Variants in HINFP observed in about 807,000 individuals in gnomAD.
The protein encoded by HINFP is histone H4 transcription factor.
A neutral mutation model predicts 50.1 loss-of-function variants in HINFP; 20 were observed. That is an observed-to-expected ratio of 0.40 (90% CI 0.28 to 0.58). The LOEUF (loss-of-function observed/expected upper bound fraction) is 0.58, where lower values mean the gene tolerates loss of function less well. Among genes scored for constraint, HINFP ranks in the 20% least tolerant of loss-of-function variants. The pLI, the probability that HINFP is intolerant of heterozygous loss-of-function variation, is 0.45. For synonymous variants in HINFP, 247 were observed against 243.7 expected (o/e 1.01, Z -0.13); for missense variants, 505 against 664.1 (o/e 0.76, Z 2.63).
At chr11:119,122,951 C>T (rs1947156571) in intron 1 of HINFP, among the ~76,000 whole-genome samples, 1 of 151,902 alleles carries the variant, frequency 6.6e-6, no homozygotes, top group Non-Finnish European at 1.5e-5. Context: ...GGCAAGACCT[C>T]GTCTCTACTA....
At chr11:119,126,354 C>CAAAAAAAA (rs55703263) in intron 1 of HINFP, 4 of 62,708 alleles carry the variant, frequency 6.4e-5, no homozygotes, top group East Asian at 4.2e-4. Flanking sequence ...AACTCAATCT[C>CAAAAAAAA]AAAAAAAAAA....
At chr11:119,132,361 G>A in intron 5 of HINFP, 135 bp from the exon 6 acceptor site, 2 of 773,434 alleles carry the variant, frequency 2.6e-6, no homozygotes, top group Non-Finnish European at 4.2e-6. Context: ...CCATGATACT[G>A]TGTCCATTCA....
intron 2 of HINFP, among the ~76,000 whole-genome samples, chr11:119,129,634 T>C (rs912911311): frequency 2.6e-5 from 4 of 151,822 alleles, no homozygotes; most frequent in African/African-American, 9.7e-5. Flanking sequence ...CTAATTTTTT[T>C]TTGTATTTTT....
chr11:119,133,281 T>TGCC, intron 9 of HINFP, 62 bp downstream of exon 9: 1 of 1,596,948 alleles, frequency 6.3e-7, no homozygotes. Context: ...TTCAACCAGT[T>TGCC]TTAAAAACCT....
intron 2 of HINFP, among the ~76,000 whole-genome samples, chr11:119,129,458 C>A (rs1242387963): frequency 6.7e-6 from 1 of 148,804 alleles, no homozygotes; most frequent in African/African-American, 2.5e-5. Context: ...AAGCATAAGC[C>A]ACTGCATCTG....
chr11:119,133,434 C>G, intron 9 of HINFP: 1 of 514,948 alleles, frequency 1.9e-6, no homozygotes, highest in South Asian at 2.0e-5. Flanking sequence ...CAAAAAGTAG[C>G]TGAGCATGGT....
intron 2 of HINFP, chr11:119,127,387 G>T: frequency 3.6e-6 from 1 of 278,730 alleles, no homozygotes; most frequent in Non-Finnish European, 6.6e-6. Context: ...CTCTCTGCCT[G>T]TGTTTACATA....
At position 119,132,583 on chromosome 11, in the gene HINFP, C is replaced by G. The variant is rs1947826715; in HGVS notation, c.754+10C>G. On this transcript the variant is annotated intron_variant, in intron 6 of 9. Transcript: ENST00000350777. Reference sequence around the variant, plus strand: ...CACATGCGCAACCATGGTGAGTGGCCTGCGGCCCACAGCCTCCCTCCTGCC... The same window carrying G: ...CACATGCGCAACCATGGTGAGTGGCGTGCGGCCCACAGCCTCCCTCCTGCC... The G allele has an allele frequency of 1.2e-6, 2 of 1,614,096 alleles. No homozygotes were observed. The highest frequency in any genetic ancestry group is 1.7e-6 in the Non-Finnish European group (2 of 1,180,008).
intron 1 of HINFP, chr11:119,124,029 AG>A (rs1947247917): frequency 1.3e-5 from 2 of 152,104 alleles, no homozygotes. Flanking sequence ...CATGTTGCCC[AG>A]GCTGGTCACA....
At chr11:119,133,054 G>T (rs779096060) in intron 8 of HINFP, 41 bp from the exon 9 acceptor site, 24 of 1,614,038 alleles carry the variant, frequency 1.5e-5, no homozygotes, top group Non-Finnish European at 2.0e-5. Context: ...GGGACCCTGG[G>T]GTGAAGAGCT....
At chr11:119,125,507 A>AAAAAC (rs912666396) in intron 1 of HINFP, 2 of 152,138 alleles carry the variant, frequency 1.3e-5, no homozygotes, top group African/African-American at 2.4e-5. Context: ...CTGTCACTAC[A>AAAAAC]AAAACAAAAC....
intron 5 of HINFP, 147 bp downstream of exon 5, chr11:119,132,129 G>C: frequency 3.7e-6 from 3 of 813,822 alleles, no homozygotes; most frequent in Non-Finnish European, 5.9e-6. Flanking sequence ...TAGTCTCTTT[G>C]CTGATTCAGA....
chr11:119,132,348 T>C, intron 5 of HINFP, 148 bp from the exon 6 acceptor site: 1 of 716,390 alleles, frequency 1.4e-6, no homozygotes, highest in Non-Finnish European at 2.3e-6. Flanking sequence ...TCCCATGCTC[T>C]TTCCATGATA....
intron 1 of HINFP, chr11:119,124,246 G>A (rs2135017601): frequency 6.6e-6 from 1 of 152,302 alleles, no homozygotes; most frequent in East Asian, 1.9e-4. Flanking sequence ...GGTACAGTAG[G>A]TATAGTGGGT....
intron 1 of HINFP, among the ~76,000 whole-genome samples, chr11:119,122,167 A>G (rs1947103640): frequency 6.6e-6 from 1 of 152,302 alleles, no homozygotes; most frequent in East Asian, 1.9e-4. Flanking sequence ...TTAAGAGGGT[A>G]GAGTGAAGAT....
intron 1 of HINFP, chr11:119,125,252 T>C (rs1947327542): frequency 6.6e-6 from 1 of 152,106 alleles, no homozygotes; most frequent in African/African-American, 2.4e-5. Context: ...TTGGCCAGGC[T>C]GGTCTTGAAC....
chr11:119,127,376 T>C (rs902132117), intron 2 of HINFP: 9 of 333,022 alleles, frequency 2.7e-5, no homozygotes, highest in Admixed American at 1.4e-4. Context: ...GTTTTTGACA[T>C]CTCTCTGCCT....
chr11:119,132,243 A>T, intron 5 of HINFP: 1 of 617,316 alleles, frequency 1.6e-6, no homozygotes, highest in South Asian at 2.0e-5. Flanking sequence ...CTTTTTGCAG[A>T]TGAGGAAACT....
chr11:119,129,837 T>C (rs1947654539), intron 2 of HINFP: 1 of 152,192 alleles, frequency 6.6e-6, no homozygotes, highest in Non-Finnish European at 1.5e-5. Context: ...TGAAAAACTC[T>C]ATTCTACAGG....
Sources: allele counts gnomAD v4.1 joint callset (sites outside exome capture counted in the v4.1 genomes callset), GRCh38; gene constraint gnomAD v4.1.1; transcripts MANE v1.5; gene names NCBI Gene and HGNC (gene_info 2026-07-23, HGNC 2026-07-21).